The following SPESP1 variants were observed in gnomAD, a reference collection of about 807,000 sequenced individuals.
The protein encoded by SPESP1 is equatorial segment protein.
Under a neutral mutation model 3.1 loss-of-function variants are expected in SPESP1, and 1 was observed. The observed-to-expected ratio is 0.33, with a 90% confidence interval of 0.12 to 1.54. The LOEUF (loss-of-function observed/expected upper bound fraction) is 1.54, where lower values mean the gene tolerates loss of function less well. Among genes scored for constraint, SPESP1 ranks in the 40% most tolerant of loss-of-function variants. The pLI, the probability that SPESP1 is intolerant of heterozygous loss-of-function variation, is 0.38. For missense variants in SPESP1, 398 were observed against 410.1 expected (o/e 0.97, Z 0.26); for synonymous variants, 138 against 150.7 (o/e 0.92, Z 0.62).
chr15:68,932,537 C>T (rs1009008521), intron 1 of SPESP1, among the ~76,000 whole-genome samples: 2 of 152,116 alleles, frequency 1.3e-5, no homozygotes, highest in Non-Finnish European at 2.9e-5. Flanking sequence ...ATTATAGGCG[C>T]ACGCCACTAC....
intron 1 of SPESP1, among the ~76,000 whole-genome samples, chr15:68,933,221 G>A (rs1322613760): frequency 1.3e-5 from 2 of 152,126 alleles, no homozygotes; most frequent in Non-Finnish European, 2.9e-5. Context: ...GAAAACCTCA[G>A]TACTTCTTGT....
chr15:68,933,818 C>G (rs1347868623), intron 1 of SPESP1, among the ~76,000 whole-genome samples: 5 of 150,278 alleles, frequency 3.3e-5, no homozygotes, highest in Non-Finnish European at 7.4e-5. Flanking sequence ...GAGATGGCGC[C>G]ACTGCATTCC....
Position 68,945,855 on chromosome 15 carries a change from A to G in SPESP1, c.321A>G (p.Thr107=), listed in dbSNP as rs1895945864. ...ETTTFPTGGF[T]PEIGKKKHTE... is the part of the protein sequence containing the mutation. ...CAACTTTCCCTACAGGAGGCTTCAC[A>G]CCGGAAATAGGAAAGAAAAAACACA... The change falls in exon 2 of 2, where the codon ACA becomes ACG. Residue 107 remains threonine, a synonymous_variant. Transcript: ENST00000310673. 2 of 1,614,132 alleles carry G rather than the reference A, an allele frequency of 1.2e-6. No homozygotes were observed. Among genetic ancestry groups the G allele is most frequent in the Non-Finnish European group, 1.7e-6 (2 of 1,180,024 alleles).
chr15:68,944,452 A>G (rs546939676), intron 1 of SPESP1, among the ~76,000 whole-genome samples: 27 of 151,974 alleles, frequency 1.8e-4, no homozygotes, highest in Non-Finnish European at 1.9e-4. Context: ...TAAGTCAACT[A>G]AAACAATTTG....
chr15:68,941,519 G>C (rs1895822881), intron 1 of SPESP1, among the ~76,000 whole-genome samples: 1 of 152,126 alleles, frequency 6.6e-6, no homozygotes, highest in African/African-American at 2.4e-5. Context: ...GCGTCTTCTA[G>C]TTTCTGGTGG....
chr15:68,939,532 A>C (rs1895764020), intron 1 of SPESP1, among the ~76,000 whole-genome samples: 1 of 152,266 alleles, frequency 6.6e-6, no homozygotes, highest in Non-Finnish European at 1.5e-5. Flanking sequence ...TTGCAAGAGC[A>C]GACCTGATTA....
chr15:68,930,888 C>G (rs1271005075), intron 1 of SPESP1, among the ~76,000 whole-genome samples, 171 bp downstream of exon 1: 1 of 152,070 alleles, frequency 6.6e-6, no homozygotes, highest in Non-Finnish European at 1.5e-5. Context: ...CTCTCCTGGT[C>G]AGGGAACGCA....
intron 1 of SPESP1, among the ~76,000 whole-genome samples, chr15:68,940,628 TA>T (rs1293863879): frequency 6.6e-6 from 1 of 152,180 alleles, no homozygotes; most frequent in Non-Finnish European, 1.5e-5. Context: ...ATACATCCTT[TA>T]GTTTTTCACA....
chr15:68,946,132 C>G lies in SPESP1; in HGVS notation c.598C>G (p.Pro200Ala), dbSNP rs368310555. 1.5e-4 allele frequency: 250 copies of G among 1,614,020 alleles called. No individual in the cohort carries two copies. The highest frequency in any genetic ancestry group is 2.0e-4 in the Non-Finnish European group (233 of 1,180,022). ...GATCTCTACAGAATCAGAAGATGTTCCTCAGCTCTCAGGTGAAACTGCGAT... is the reference window on the plus strand; with the variant it reads ...GATCTCTACAGAATCAGAAGATGTTGCTCAGCTCTCAGGTGAAACTGCGAT... The part of the protein sequence containing the change: ...IGISTESEDV[P>A]QLSGETAIEK... Residue 200 changes from proline to alanine, a missense_variant, in exon 2 of 2, where the codon CCT becomes GCT. Physicochemically the swap from Pro to Ala is conservative, Grantham distance 27. Coordinates refer to ENST00000310673, the MANE Select transcript of SPESP1 (RefSeq NM_145658.4).
At chr15:68,944,864 A>C (rs892830807) in intron 1 of SPESP1, among the ~76,000 whole-genome samples, 1 of 152,192 alleles carries the variant, frequency 6.6e-6, no homozygotes, top group African/African-American at 2.4e-5. Context: ...TATACTGGTA[A>C]ATATTTAAAA....
At chr15:68,940,468 CTT>C (rs950065334) in intron 1 of SPESP1, among the ~76,000 whole-genome samples, 1 of 152,080 alleles carries the variant, frequency 6.6e-6, no homozygotes, top group African/African-American at 2.4e-5. Context: ...TTCTGATTGT[CTT>C]TCTCTTTTTC....
chr15:68,940,031 A>C (rs920556583), intron 1 of SPESP1, among the ~76,000 whole-genome samples: 1 of 152,042 alleles, frequency 6.6e-6, no homozygotes, highest in Non-Finnish European at 1.5e-5. Flanking sequence ...TTAAAAAAAC[A>C]TTTTATTACG....
chr15:68,930,723 T>TG lies in SPESP1; in HGVS notation c.64+7dup. On this transcript the variant is annotated splice_region_variant and intron_variant, in intron 1 of 1. Transcript: ENST00000310673. ...GTCTGTGCCGGCTTATCCGAGTGAG[T>TG]GACGGGCCTGAGGAGGCAGCGGACC... is the stretch of plus-strand genomic sequence containing the variant. 1 of 1,613,828 alleles carries TG rather than the reference T, an allele frequency of 6.2e-7. No homozygotes were observed. Among genetic ancestry groups the TG allele is most frequent in the Non-Finnish European group, 8.5e-7 (1 of 1,179,790 alleles).
At chr15:68,942,331 G>A (rs1595721346) in intron 1 of SPESP1, among the ~76,000 whole-genome samples, 1 of 152,050 alleles carries the variant, frequency 6.6e-6, no homozygotes, top group East Asian at 1.9e-4. Flanking sequence ...CTTTTCAATG[G>A]ATTCTTTTGT....
intron 1 of SPESP1, among the ~76,000 whole-genome samples, chr15:68,935,497 T>C (rs574807958): frequency 2.6e-5 from 4 of 152,336 alleles, no homozygotes; most frequent in African/African-American, 7.2e-5. Flanking sequence ...CTTTACACCA[T>C]GGCAGCTTGC....
In SPESP1 at chr15:68,946,458, T is replaced by C; in HGVS notation, c.924T>C (p.Ser308=). ...TTAACATGCTGTGTAATTCTAGATC[T>C]AAACTCTATGAATATTTAGATATTA... ...TVINMLCNSR[S]KLYEYLDIKC... is the part of the protein sequence containing the mutation. The change falls in exon 2 of 2, where the codon TCT becomes TCC. Residue 308 remains serine (S), a synonymous_variant. Transcript: ENST00000310673. 4 of 1,612,994 alleles carry C rather than the reference T, an allele frequency of 2.5e-6. No individual in the cohort carries two copies. Among genetic ancestry groups the C allele is most frequent in the Non-Finnish European group, 3.4e-6 (4 of 1,179,984 alleles).
rs147145715 is a variant in SPESP1 at position 68,932,468 on chromosome 15, G to A, written c.64+1751G>A. On this transcript the variant is annotated intron_variant, in intron 1 of 1. Coordinates refer to ENST00000310673, the MANE Select transcript of SPESP1 (RefSeq NM_145658.4). Reference sequence around the variant, plus strand: ...TGCAGTGGCCCGATCTCGGCTCACCGCAACCTCTGCCTCCCAGGCTCGAGG... The same window carrying A: ...TGCAGTGGCCCGATCTCGGCTCACCACAACCTCTGCCTCCCAGGCTCGAGG... Among the ~76,000 whole-genome samples, 450 of 143,130 alleles carry A rather than the reference G, an allele frequency of 3.1e-3. 5 individuals are homozygous for A. Among genetic ancestry groups the A allele is most frequent in the African/African-American group, 0.011 (434 of 38,118 alleles). The allele number at this position is 143,130 out of a possible 152,430, so 93.9% of individuals were successfully genotyped here.
In SPESP1 at chr15:68,930,703, T is replaced by G. The variant is rs1895507652; in HGVS notation, c.50T>G (p.Val17Gly). 2 of 1,613,880 alleles carry G rather than the reference T, an allele frequency of 1.2e-6. No individual in the cohort carries two copies. Among genetic ancestry groups the G allele is most frequent in the Non-Finnish European group, 1.7e-6 (2 of 1,179,900 alleles). ...GCGCTTTTGCTATGGCCTTCGTCTGTGCCGGCTTATCCGAGTGAGTGACGG... is the reference window on the plus strand; with the variant it reads ...GCGCTTTTGCTATGGCCTTCGTCTGGGCCGGCTTATCCGAGTGAGTGACGG... The part of the protein sequence containing the change: ...LVALLLWPSS[V>G]PAYPSITVTP... Residue 17 changes from valine to glycine, a missense_variant, in exon 1 of 2, where the codon GTG (valine) becomes GGG (glycine). Transcript: ENST00000310673.
At position 68,945,730 on chromosome 15, in the gene SPESP1, T is replaced by C; in HGVS notation, c.196T>C (p.Ser66Pro). ...ATCTAACTCTCCAAAACATGTTTATTCTATAGCATCAAAGGGATCAAAATT... is the reference window on the plus strand; with the variant it reads ...ATCTAACTCTCCAAAACATGTTTATCCTATAGCATCAAAGGGATCAAAATT... Reference protein sequence around the residue: ...KKSNSPKHVYSIASKGSKFKE... With the variant: ...KKSNSPKHVYPIASKGSKFKE... The change falls in exon 2 of 2, where the codon TCT becomes CCT. Residue 66 changes from serine (S) to proline (P), a missense_variant. Ser to Pro is a moderately conservative substitution (Grantham distance 74, BLOSUM62 -1). Transcript: ENST00000310673. The C allele has an allele frequency of 6.2e-7, 1 of 1,614,024 alleles. No individual in the cohort carries two copies. Among genetic ancestry groups the C allele is most frequent in the South Asian group, 1.1e-5 (1 of 91,028 alleles).
Sources: allele counts gnomAD v4.1 joint callset (sites outside exome capture counted in the v4.1 genomes callset), GRCh38; gene constraint gnomAD v4.1.1; transcripts MANE v1.5; gene names NCBI Gene and HGNC (gene_info 2026-07-23, HGNC 2026-07-21).